DENND5B: variants seen among roughly 807,000 people sequenced by gnomAD.
The protein encoded by DENND5B is DENN domain containing 5B.
In DENND5B, 34 loss-of-function variants were observed where a neutral mutation model predicts 140.6. That is an observed-to-expected ratio of 0.24 (90% CI 0.18 to 0.32). The LOEUF (loss-of-function observed/expected upper bound fraction) is 0.32, where lower values mean the gene tolerates loss of function less well. Among genes scored for constraint, DENND5B ranks in the 10% least tolerant of loss-of-function variants. The pLI is 1.00. For missense variants in DENND5B, 1,142 were observed against 1,560.2 expected, an observed-to-expected ratio of 0.73 and a Z score of 4.52; for synonymous variants, 551 against 562.1, an observed-to-expected ratio of 0.98 and a Z score of 0.28.
intron 1 of DENND5B, among the ~76,000 whole-genome samples, chr12:31,553,632 G>C (rs28855085): frequency 2.0e-4 from 30 of 151,838 alleles, no homozygotes; most frequent in Admixed American, 1.2e-3. Flanking sequence ...AACTTTCTGT[G>C]TCATTGATCT....
At position 31,398,208 on chromosome 12, in the gene DENND5B, A is replaced by G. The variant is rs1304589060; in HGVS notation, c.3223T>C (p.Leu1075=). 3.7e-6 allele frequency: 6 copies of G among 1,604,546 alleles called. No individual in the cohort carries two copies. The highest frequency in any genetic ancestry group is 2.2e-5 in the East Asian group (1 of 44,592). ...TTTCCTGTCAGTGAAGTGATGCTCA[A>G]TCTCCTAGCCGTGGTGGGTGACTTC... ...QQKSPTTARR[L]SITSLTGKNN... Residue 1075 remains leucine, a synonymous_variant, in exon 17 of 21, where the codon TTG becomes CTG. Transcript: ENST00000389082.
At chr12:31,549,546 TTTTTA>T (rs1354928789) in intron 1 of DENND5B, among the ~76,000 whole-genome samples, 1 of 152,090 alleles carries the variant, frequency 6.6e-6, no homozygotes, top group Non-Finnish European at 1.5e-5. Context: ...TTAATTTTTA[TTTTTA>T]TTTTAAGTTC....
intron 1 of DENND5B, among the ~76,000 whole-genome samples, chr12:31,573,980 A>G (rs550180481): frequency 0.02 from 3,076 of 151,898 alleles, 50 homozygotes; most frequent in South Asian, 0.052. Context: ...AAAAAAAAAA[A>G]AAGGCACAGT....
chr12:31,577,239 T>A (rs934026965), intron 1 of DENND5B, among the ~76,000 whole-genome samples: 2 of 151,942 alleles, frequency 1.3e-5, no homozygotes, highest in Non-Finnish European at 2.9e-5. Context: ...AATGACAGAG[T>A]ATGTTGTACT....
At chr12:31,587,536 T>A (rs1950438084) in intron 1 of DENND5B, among the ~76,000 whole-genome samples, 2 of 29,554 alleles carry the variant, frequency 6.8e-5, no homozygotes, top group African/African-American at 3.0e-4. Context: ...CTTTTTTTTT[T>A]TTTTTTTTTT....
At chr12:31,553,840 T>C (rs1447180520) in intron 1 of DENND5B, among the ~76,000 whole-genome samples, 1 of 152,238 alleles carries the variant, frequency 6.6e-6, no homozygotes, top group Non-Finnish European at 1.5e-5. Context: ...TCTCTTTTGA[T>C]CTTTGTTGGT....
chr12:31,415,506 A>C (rs1158596524), intron 11 of DENND5B, 58 bp from the exon 12 acceptor site: 1 of 1,359,894 alleles, frequency 7.4e-7, no homozygotes, highest in African/African-American at 1.5e-5. Context: ...TACATGGTTC[A>C]TATTAAATAC....
At chr12:31,589,964 C>A (rs1431494454) in intron 1 of DENND5B, 1 of 152,444 alleles carries the variant, frequency 6.6e-6, no homozygotes, top group East Asian at 1.9e-4. Flanking sequence ...GACCGGTACC[C>A]CTCCGGGAAA....
At chr12:31,542,149 G>A (rs1592012500) in intron 1 of DENND5B, among the ~76,000 whole-genome samples, 2 of 152,040 alleles carry the variant, frequency 1.3e-5, no homozygotes, top group Admixed American at 1.3e-4. Context: ...TTAGCTGGGC[G>A]TGGTGGTGGG....
intron 4 of DENND5B, among the ~76,000 whole-genome samples, chr12:31,458,549 G>A (rs933052962): frequency 1.3e-5 from 2 of 152,084 alleles, no homozygotes; most frequent in African/African-American, 2.4e-5. Flanking sequence ...AGCCCAAAAA[G>A]AACAATAGTC....
At chr12:31,461,153 CACTGCA>C (rs1945002635) in intron 3 of DENND5B, among the ~76,000 whole-genome samples, 1 of 152,134 alleles carries the variant, frequency 6.6e-6, no homozygotes, top group African/African-American at 2.4e-5. Context: ...GATCTCGGCT[CACTGCA>C]ACCTCCATCA....
intron 5 of DENND5B, 88 bp downstream of exon 5, chr12:31,451,852 A>T: frequency 1.4e-6 from 2 of 1,442,614 alleles, no homozygotes; most frequent in South Asian, 1.3e-5. Context: ...GGGTAAGCAT[A>T]GGCACAGAAG....
At chr12:31,533,690 T>C (rs569385145) in intron 1 of DENND5B, among the ~76,000 whole-genome samples, 8 of 152,170 alleles carry the variant, frequency 5.3e-5, no homozygotes, top group African/African-American at 9.7e-5. Context: ...AATGTAGTTG[T>C]ATGCATGTCT....
intron 1 of DENND5B, among the ~76,000 whole-genome samples, chr12:31,538,993 G>T (rs188837085): frequency 2.1e-5 from 3 of 145,728 alleles, no homozygotes; most frequent in African/African-American, 7.7e-5. Flanking sequence ...TTGACAAACT[G>T]CTAGACAGAC....
At chr12:31,399,864 A>G (rs1565541951) in intron 15 of DENND5B, 92 bp from the exon 16 acceptor site, 6 of 830,506 alleles carry the variant, frequency 7.2e-6, no homozygotes, top group Non-Finnish European at 1.2e-5. Flanking sequence ...TAATTTAACA[A>G]CTGCAGAGAC....
At chr12:31,587,659 T>G (rs934470979) in intron 1 of DENND5B, among the ~76,000 whole-genome samples, 2 of 143,720 alleles carry the variant, frequency 1.4e-5, no homozygotes, top group African/African-American at 5.1e-5. Context: ...GCGATTCTCC[T>G]GCCTCAGCCT....
At position 31,383,396 on chromosome 12, in the gene DENND5B, CA is replaced by C. The variant is rs754193464; in HGVS notation, c.*4206del. ...CTTTTTCACTTACATTTACATATAACAGTGCTTTATTGCCAAAAAAGGAAAT... is the reference window on the plus strand; with the variant it reads ...CTTTTTCACTTACATTTACATATAACGTGCTTTATTGCCAAAAAAGGAAAT... On this transcript the variant is annotated 3_prime_UTR_variant, in exon 21 of 21. Coordinates refer to ENST00000389082, the MANE Select transcript of DENND5B (RefSeq NM_144973.4). 2 of 152,230 alleles carry C rather than the reference CA, an allele frequency of 1.3e-5. No individual in the cohort carries two copies. The highest frequency in any genetic ancestry group is 4.1e-4 in the South Asian group (2 of 4,828). 9.4% of individuals were successfully genotyped at this position (152,230 alleles called of 1,614,324 possible).
At chr12:31,441,541 T>C (rs1285188909) in intron 7 of DENND5B, among the ~76,000 whole-genome samples, 3 of 150,928 alleles carry the variant, frequency 2.0e-5, no homozygotes, top group Admixed American at 1.3e-4. Flanking sequence ...TGGATAATAG[T>C]GGTGATCATA....
chr12:31,392,702 A>G lies in DENND5B; in HGVS notation c.3257-6T>C. On this transcript the variant is annotated splice_polypyrimidine_tract_variant and splice_region_variant and intron_variant, in intron 17 of 20. Transcript: ENST00000389082. ...TATCTGCCCAGCATTGGGTTCTGTA[A>G]AATAATAAACAGTGGCTGCATTCTC... The G allele has an allele frequency of 6.4e-7, 1 of 1,552,978 alleles. No homozygotes were observed. Among genetic ancestry groups the G allele is most frequent in the Non-Finnish European group, 8.7e-7 (1 of 1,147,478 alleles).
Sources: allele counts gnomAD v4.1 joint callset (sites outside exome capture counted in the v4.1 genomes callset), GRCh38; gene constraint gnomAD v4.1.1; transcripts MANE v1.5; gene names NCBI Gene and HGNC (gene_info 2026-07-23, HGNC 2026-07-21).